DGLUCY: variants seen among roughly 807,000 people sequenced by gnomAD.
The protein encoded by DGLUCY is D-glutamate cyclase, also known as D-glutamate cyclase, mitochondrial.
Under a neutral mutation model 58.5 loss-of-function variants are expected in DGLUCY, and 58 were observed. That is an observed-to-expected ratio of 0.99 (90% CI 0.80 to 1.23). The LOEUF is 1.23. Ranked by LOEUF, DGLUCY falls within the 50% of genes most tolerant of loss-of-function variation. DGLUCY has a pLI of 0.00. For synonymous variants in DGLUCY, 325 were observed against 314.1 expected, an observed-to-expected ratio of 1.03 and a Z score of -0.37; for missense variants, 779 against 784.7, an observed-to-expected ratio of 0.99 and a Z score of 0.09.
intron 1 of DGLUCY, among the ~76,000 whole-genome samples, chr14:91,130,183 T>A (rs1349723351): frequency 6.6e-6 from 1 of 152,242 alleles, no homozygotes; most frequent in East Asian, 1.9e-4. Flanking sequence ...GTAATGGTGT[T>A]TCAGTTGACT....
upstream of DGLUCY, among the ~76,000 whole-genome samples, chr14:91,105,912 C>T (rs2044579942): frequency 6.6e-6 from 1 of 152,180 alleles, no homozygotes; most frequent in Non-Finnish European, 1.5e-5. Flanking sequence ...CAGCATGTGA[C>T]TGTGTTACAG....
rs969813374 is a variant in DGLUCY at position 91,190,209 on chromosome 14, G to A, written c.1195+1039G>A. Among the ~76,000 whole-genome samples, 25 of 151,656 alleles carry A rather than the reference G, an allele frequency of 1.6e-4. No homozygotes were observed. In the South Asian group the frequency reaches 3.1e-3, roughly 19 times the overall value. On this transcript the variant is annotated intron_variant, in intron 9 of 13. Transcript: ENST00000256324. ...TCACCGTGTTAGCCAGGATGGTCTCGATCTCCTGACCTCGTGATCCGCCCG... is the reference window on the plus strand; with the variant it reads ...TCACCGTGTTAGCCAGGATGGTCTCAATCTCCTGACCTCGTGATCCGCCCG...
At chr14:91,187,386 C>T (rs567688186) in intron 8 of DGLUCY, among the ~76,000 whole-genome samples, 16 of 152,298 alleles carry the variant, frequency 1.1e-4, no homozygotes, top group South Asian at 6.2e-4. Context: ...TTTCAGCCAC[C>T]GCCAGAGTAG....
At chr14:91,218,461 G>T (rs1886931441) in intron 13 of DGLUCY, among the ~76,000 whole-genome samples, 1 of 151,272 alleles carries the variant, frequency 6.6e-6, no homozygotes, top group East Asian at 2.0e-4. Context: ...GGAGTGCAGT[G>T]GAGAAATCTC....
chr14:91,135,849 A>T (rs1259886368), intron 1 of DGLUCY, among the ~76,000 whole-genome samples: 1 of 151,212 alleles, frequency 6.6e-6, no homozygotes, highest in African/African-American at 2.4e-5. Context: ...AATATGATGA[A>T]TTACATGAAT....
intron 1 of DGLUCY, among the ~76,000 whole-genome samples, chr14:91,080,698 A>G (rs1164583972): frequency 2.0e-5 from 3 of 152,074 alleles, no homozygotes; most frequent in African/African-American, 4.8e-5. Flanking sequence ...ATGGTTTCCC[A>G]TTTTAACCAA....
rs80331085 is a variant in DGLUCY at position 91,138,048 on chromosome 14, G to A, written c.-81-19591G>A. ...AGAGTTTTTATATCTATACTCATTA[G>A]TTACATTGACCTGACACTTTCCTCT... On this transcript the variant is annotated intron_variant, in intron 1 of 13. Transcript: ENST00000256324. Among the ~76,000 whole-genome samples, 216 of 152,238 alleles carry A rather than the reference G, an allele frequency of 1.4e-3. 2 individuals carry two copies. Among genetic ancestry groups the A allele is most frequent in the African/African-American group, 4.9e-3 (205 of 41,548 alleles).
At chr14:91,102,777 GTGTGTGTGTT>G (rs1473790851) in intron 1 of DGLUCY, among the ~76,000 whole-genome samples, 2 of 151,524 alleles carry the variant, frequency 1.3e-5, no homozygotes, top group Admixed American at 6.6e-5. Flanking sequence ...GTGTGTGTGT[GTGTGTGTGTT>G]TGAGACTGAG....
chr14:91,169,064 G>A (rs1329508713), intron 4 of DGLUCY, among the ~76,000 whole-genome samples: 1 of 151,522 alleles, frequency 6.6e-6, no homozygotes, highest in Admixed American at 6.6e-5. Context: ...TCCAGGCTGG[G>A]CAACAGAGCA....
At chr14:91,100,674 G>C (rs1248358624) in intron 1 of DGLUCY, among the ~76,000 whole-genome samples, 1 of 152,188 alleles carries the variant, frequency 6.6e-6, no homozygotes, top group African/African-American at 2.4e-5. Context: ...CAGACCAGCA[G>C]CACCAGCCTC....
At chr14:91,088,681 G>A (rs2044261005) in intron 1 of DGLUCY, among the ~76,000 whole-genome samples, 2 of 152,188 alleles carry the variant, frequency 1.3e-5, no homozygotes. Context: ...CCCTAAGCAG[G>A]GGTTGCTGCA....
intron 1 of DGLUCY, among the ~76,000 whole-genome samples, chr14:91,144,486 G>C (rs1368485801): frequency 6.6e-6 from 1 of 152,168 alleles, no homozygotes; most frequent in Non-Finnish European, 1.5e-5. Context: ...CTTGAACCTG[G>C]GAGGCAGAGG....
intron 8 of DGLUCY, among the ~76,000 whole-genome samples, chr14:91,182,718 C>T (rs1259289784): frequency 6.6e-6 from 1 of 152,042 alleles, no homozygotes; most frequent in Non-Finnish European, 1.5e-5. Flanking sequence ...ATTACTTCTC[C>T]GGGGATCCCA....
At chr14:91,136,093 C>T (rs1393595380) in intron 1 of DGLUCY, among the ~76,000 whole-genome samples, 1 of 151,644 alleles carries the variant, frequency 6.6e-6, no homozygotes, top group Non-Finnish European at 1.5e-5. Context: ...CGCCACTATG[C>T]CCGGCTAATT....
At chr14:91,111,244 GTGTGTATA>G (rs1203427327), upstream of DGLUCY, among the ~76,000 whole-genome samples, 30 of 100,710 alleles carry the variant, frequency 3.0e-4, 1 homozygote, top group African/African-American at 8.5e-4. Flanking sequence ...GTGTGTGTGT[GTGTGTATA>G]TATCTATATA....
At chr14:91,196,227 T>C (rs540364685) in intron 9 of DGLUCY, 148 bp from the exon 10 acceptor site, 94 of 639,668 alleles carry the variant, frequency 1.5e-4, no homozygotes, top group Middle Eastern at 2.6e-4. Context: ...CTCTGTGTCA[T>C]GGCCTCGGCT....
intron 1 of DGLUCY, chr14:91,145,137 A>G (rs1028558041): frequency 6.6e-6 from 1 of 152,188 alleles, no homozygotes; most frequent in Non-Finnish European, 1.5e-5. Context: ...CTGAGAGCCC[A>G]CTGTGTGCTG....
chr14:91,112,103 G>T (rs1424321217), upstream of DGLUCY, among the ~76,000 whole-genome samples: 2 of 151,918 alleles, frequency 1.3e-5, no homozygotes, highest in African/African-American at 4.8e-5. Flanking sequence ...TACAAAATTA[G>T]CTGAGTGTGG....
rs143115340 is a variant in DGLUCY at position 91,221,905 on chromosome 14, T to A, written c.1717-2779T>A. ...AGAAGGCACCCCACTTTGAGCGGCATCATCACCTCCCATAAATACCTGCCC... is the reference window on the plus strand; with the variant it reads ...AGAAGGCACCCCACTTTGAGCGGCAACATCACCTCCCATAAATACCTGCCC... On this transcript the variant is annotated intron_variant, in intron 13 of 13. Transcript: ENST00000256324. Among the ~76,000 whole-genome samples, 855 of 151,598 alleles carry A rather than the reference T, an allele frequency of 5.6e-3. 9 individuals carry two copies. The highest frequency in any genetic ancestry group is 0.024 in the Middle Eastern group (7 of 294).
Sources: gnomAD v4.1 joint callset for allele counts (sites outside exome capture counted in the v4.1 genomes callset) on GRCh38, gnomAD v4.1.1 for gene constraint, MANE v1.5 for transcripts, NCBI Gene and HGNC (gene_info 2026-07-23, HGNC 2026-07-21) for gene names.